ENOPH1: variants seen among roughly 807,000 people sequenced by gnomAD.
The protein encoded by ENOPH1 is enolase-phosphatase 1, also known as enolase-phosphatase E1.
ENOPH1 carries 14 observed loss-of-function variants against 31.1 expected under a neutral mutation model. The ratio of observed to expected loss-of-function variants is 0.45; its 90% confidence interval spans 0.30 to 0.70. ENOPH1 has a LOEUF of 0.70. Among genes scored for constraint, ENOPH1 ranks in the 30% least tolerant of loss-of-function variants. The pLI is 0.09. For missense variants in ENOPH1, 243 were observed against 321.5 expected (o/e 0.76, Z 1.87); for synonymous variants, 127 against 123.2 (o/e 1.03, Z -0.21).
rs879207082 is a variant in ENOPH1, at chr4:82,456,841, T to C, written c.523-74T>C. On this transcript the variant is annotated intron_variant, in intron 4 of 5. Coordinates refer to ENST00000273920, the MANE Select transcript of ENOPH1 (RefSeq NM_021204.5). Reference sequence around the variant, plus strand: ...ACGAATGAAGTAATTGTGATTGTCATGTATTTCAGAGAAAGGCATGAGGGG... The same window carrying C: ...ACGAATGAAGTAATTGTGATTGTCACGTATTTCAGAGAAAGGCATGAGGGG... 4 of 1,544,790 alleles carry C rather than the reference T, an allele frequency of 2.6e-6. No homozygotes were observed. In the Admixed American group the frequency reaches 5.5e-5, roughly 21 times the overall value.
At chr4:82,432,013 C>A (rs776365463) in intron 1 of ENOPH1, among the ~76,000 whole-genome samples, 8 of 150,964 alleles carry the variant, frequency 5.3e-5, no homozygotes, top group Non-Finnish European at 1.2e-4. Context: ...CCTCCTTGGG[C>A]TTAAGGCATC....
At position 82,454,995 on chromosome 4, in the gene ENOPH1, T is replaced by C. The variant is rs550303609; in HGVS notation, c.522+141T>C. Reference sequence around the variant, plus strand: ...TTAGGTAAGAAGAAAATAATCACTTTTAATTATATTGTATTTACAGTTTCT... The same window carrying C: ...TTAGGTAAGAAGAAAATAATCACTTCTAATTATATTGTATTTACAGTTTCT... On this transcript the variant is annotated intron_variant, in intron 4 of 5. Transcript: ENST00000273920. The C allele has an allele frequency of 1.1e-4, 81 of 736,874 alleles. No homozygotes were observed. The African/African-American group carries it at 1.3e-3, about 12-fold the overall frequency. 45.6% of individuals were successfully genotyped at this position (736,874 alleles called of 1,614,324 possible).
In ENOPH1 at chr4:82,430,749, T is replaced by G; in HGVS notation, c.-81T>G. 7.2e-7 allele frequency: 1 copy of G among 1,382,114 alleles called. No individual in the cohort carries two copies. Among genetic ancestry groups the G allele is most frequent in the Non-Finnish European group, 1.0e-6 (1 of 975,260 alleles). The allele number at this position is 1,382,114 out of a possible 1,614,324, so 85.6% of individuals were successfully genotyped here. Reference sequence around the variant, plus strand: ...CGGGGCCGCCGGAAGCCCAAGACGGTACCGGGGGCCGCAGCCGCAGCCGGC... The same window carrying G: ...CGGGGCCGCCGGAAGCCCAAGACGGGACCGGGGGCCGCAGCCGCAGCCGGC... On this transcript the variant is annotated 5_prime_UTR_variant, in exon 1 of 6. Transcript: ENST00000273920.
intron 1 of ENOPH1, among the ~76,000 whole-genome samples, chr4:82,439,346 C>T (rs906843103): frequency 2.0e-5 from 3 of 152,176 alleles, no homozygotes; most frequent in Non-Finnish European, 4.4e-5. Flanking sequence ...GGTTTGGAAA[C>T]TAATGGTAAT....
intron 1 of ENOPH1, among the ~76,000 whole-genome samples, chr4:82,444,038 A>G (rs1351364575): frequency 6.6e-6 from 1 of 151,774 alleles, no homozygotes; most frequent in Non-Finnish European, 1.5e-5. Flanking sequence ...CCACATCCAG[A>G]TAATTTTTGT....
At chr4:82,441,825 T>C (rs1370081613) in intron 1 of ENOPH1, among the ~76,000 whole-genome samples, 1 of 152,136 alleles carries the variant, frequency 6.6e-6, no homozygotes, top group African/African-American at 2.4e-5. Flanking sequence ...CAAAAAAGCC[T>C]AATGTATTAC....
intron 5 of ENOPH1, among the ~76,000 whole-genome samples, chr4:82,459,563 GC>G (rs1400570128): frequency 3.3e-5 from 5 of 152,172 alleles, no homozygotes; most frequent in African/African-American, 1.2e-4. Context: ...GGTCCACCGT[GC>G]CCAGCCCCAT....
intron 1 of ENOPH1, among the ~76,000 whole-genome samples, chr4:82,447,623 A>G (rs1437824811): frequency 1.3e-5 from 2 of 152,232 alleles, no homozygotes; most frequent in Admixed American, 6.5e-5. Context: ...TTGTGATGCA[A>G]AAGTAGCCAC....
At chr4:82,431,001 G>T (rs1325291891) in intron 1 of ENOPH1, 88 bp downstream of exon 1, 1 of 1,189,084 alleles carries the variant, frequency 8.4e-7, no homozygotes, top group Non-Finnish European at 1.2e-6. Flanking sequence ...CATTGGAGAC[G>T]AGGGTTAGGA....
chr4:82,441,523 A>C (rs1227748158), intron 1 of ENOPH1, among the ~76,000 whole-genome samples: 1 of 152,054 alleles, frequency 6.6e-6, no homozygotes, highest in Non-Finnish European at 1.5e-5. Context: ...AGTCCCAGCT[A>C]CTCTGGAGGC....
At chr4:82,445,319 T>C (rs1160031334) in intron 1 of ENOPH1, among the ~76,000 whole-genome samples, 1 of 152,260 alleles carries the variant, frequency 6.6e-6, no homozygotes, top group Admixed American at 6.5e-5. Context: ...GTCTTACAGA[T>C]ATTCTCAATA....
intron 4 of ENOPH1, among the ~76,000 whole-genome samples, chr4:82,455,498 C>T (rs868539589): frequency 7.9e-5 from 12 of 151,774 alleles, no homozygotes; most frequent in Admixed American, 3.3e-4. Flanking sequence ...AAATATTTAC[C>T]GGCCGGGCGC....
At position 82,453,059 on chromosome 4, in the gene ENOPH1, G is replaced by T. The variant is rs139622652; in HGVS notation, c.390-1663G>T. On this transcript the variant is annotated intron_variant, in intron 3 of 5. Transcript: ENST00000273920. ...TGGGACTACAGGCGTGTGCCACCAC[G>T]CCCGGCTAATTTTTTGTATTTTTAG... Among the ~76,000 whole-genome samples the T allele has an allele frequency of 5.7e-3, 872 of 151,928 alleles. 21 individuals are homozygous for T. Among genetic ancestry groups the T allele is most frequent in the Admixed American group, 0.042 (643 of 15,268 alleles).
intron 2 of ENOPH1, 57 bp from the exon 3 acceptor site, chr4:82,450,986 A>G (rs1464302844): frequency 6.6e-7 from 1 of 1,504,944 alleles, no homozygotes; most frequent in African/African-American, 1.4e-5. Flanking sequence ...GTCTCGTTTT[A>G]AATGACTGTT....
At chr4:82,457,216 A>AC (rs1185807758) in intron 5 of ENOPH1, among the ~76,000 whole-genome samples, 178 bp downstream of exon 5, 6 of 152,246 alleles carry the variant, frequency 3.9e-5, no homozygotes, top group Non-Finnish European at 7.4e-5. Flanking sequence ...AAAAAAAAAA[A>AC]ACACAGCAGT....
chr4:82,457,361 A>G (rs1176136888), intron 5 of ENOPH1, among the ~76,000 whole-genome samples: 1 of 152,080 alleles, frequency 6.6e-6, no homozygotes, highest in Non-Finnish European at 1.5e-5. Context: ...AAAAATTCAG[A>G]AAGTTAGTTG....
intron 1 of ENOPH1, among the ~76,000 whole-genome samples, chr4:82,442,556 T>A (rs1722068814): frequency 6.7e-6 from 1 of 150,334 alleles, no homozygotes; most frequent in African/African-American, 2.5e-5. Context: ...CGGCAATCTA[T>A]GATTTTTTTT....
intron 1 of ENOPH1, among the ~76,000 whole-genome samples, chr4:82,447,581 A>T (rs775718463): frequency 6.6e-6 from 1 of 152,216 alleles, no homozygotes; most frequent in Admixed American, 6.5e-5. Flanking sequence ...TGCAGGCCCT[A>T]TGGTCTTGGT....
intron 1 of ENOPH1, among the ~76,000 whole-genome samples, chr4:82,431,957 CTGGAG>C (rs899493503): frequency 5.3e-5 from 8 of 150,358 alleles, no homozygotes; most frequent in African/African-American, 2.0e-4. Flanking sequence ...TGTTCCCAGG[CTGGAG>C]TGGAGTGGAG....
Sources: gnomAD v4.1 joint callset for allele counts (sites outside exome capture counted in the v4.1 genomes callset) on GRCh38, gnomAD v4.1.1 for gene constraint, MANE v1.5 for transcripts, NCBI Gene and HGNC (gene_info 2026-07-23, HGNC 2026-07-21) for gene names.